Variants in CRACDL observed in about 807,000 individuals in gnomAD.
The protein encoded by CRACDL is CRACD like.
In CRACDL, 26 loss-of-function variants were observed where a neutral mutation model predicts 70.6. That is an observed-to-expected ratio of 0.37 (90% confidence interval 0.27 to 0.51). The LOEUF is 0.51. CRACDL is among the 20% of genes least tolerant of loss of function. The pLI is 0.94. For missense variants in CRACDL, 1,283 were observed against 1,376.9 expected (o/e 0.93, Z 1.08); for synonymous variants, 618 against 615.2 (o/e 1.00, Z -0.07).
intron 1 of CRACDL, among the ~76,000 whole-genome samples, chr2:98,932,248 G>A (rs1709096215): frequency 6.6e-6 from 1 of 152,154 alleles, no homozygotes; most frequent in Non-Finnish European, 1.5e-5. Context: ...TGAACACCAG[G>A]CCGGGCCGGC....
chr2:98,902,346 C>T (rs1050893631), intron 1 of CRACDL, among the ~76,000 whole-genome samples: 36 of 152,106 alleles, frequency 2.4e-4, no homozygotes, highest in African/African-American at 8.0e-4. Flanking sequence ...GGAGAAGGCC[C>T]GTGATGACCC....
chr2:98,826,078 A>G (rs1055351388), intron 6 of CRACDL, among the ~76,000 whole-genome samples: 1 of 152,164 alleles, frequency 6.6e-6, no homozygotes, highest in Admixed American at 6.5e-5. Context: ...GGGACGCGTT[A>G]CAGTGCCCGT....
In CRACDL at chr2:98,931,456, T is replaced by C. The variant is rs1238332201; in HGVS notation, c.-11+4482A>G. 2.0e-5 allele frequency among the ~76,000 whole-genome samples: 3 copies of C among 152,054 alleles called. No individual in the cohort carries two copies. The East Asian group carries it at 5.8e-4, about 29-fold the overall frequency. ...TATGGGGCAGTGTTTCCGAGAGTAGTTTCTTGGAAACTGCACACCCCGCAG... is the reference window on the plus strand; with the variant it reads ...TATGGGGCAGTGTTTCCGAGAGTAGCTTCTTGGAAACTGCACACCCCGCAG... On this transcript the variant is annotated intron_variant, in intron 1 of 9. Transcript: ENST00000397899.
At chr2:98,907,319 C>G (rs186794182) in intron 1 of CRACDL, among the ~76,000 whole-genome samples, 8 of 152,072 alleles carry the variant, frequency 5.3e-5, no homozygotes, top group African/African-American at 1.9e-4. Context: ...CAAAACAAAA[C>G]AAAAACTCTT....
chr2:98,932,715 T>C (rs997280375), intron 1 of CRACDL, among the ~76,000 whole-genome samples: 5 of 152,120 alleles, frequency 3.3e-5, no homozygotes, highest in African/African-American at 1.2e-4. Context: ...TTTCAGGTAA[T>C]AAAAAGGCCT....
At chr2:98,808,319 C>T (rs547127507) in intron 7 of CRACDL, among the ~76,000 whole-genome samples, 11 of 152,316 alleles carry the variant, frequency 7.2e-5, no homozygotes, top group Non-Finnish European at 1.3e-4. Context: ...CAGCCTTTAA[C>T]ACTCTCACAG....
chr2:98,868,994 G>T, intron 1 of CRACDL: 1 of 796,938 alleles, frequency 1.3e-6, no homozygotes, highest in Non-Finnish European at 1.9e-6. Flanking sequence ...GGGGATGGTG[G>T]CCACCCACGC....
At chr2:98,912,328 G>A (rs756925805) in intron 1 of CRACDL, among the ~76,000 whole-genome samples, 4 of 152,238 alleles carry the variant, frequency 2.6e-5, no homozygotes, top group Admixed American at 6.5e-5. Flanking sequence ...GGGTGTGCTG[G>A]GGGTAGGTGA....
chr2:98,919,030 C>T (rs1177973979), intron 1 of CRACDL, among the ~76,000 whole-genome samples: 1 of 152,044 alleles, frequency 6.6e-6, no homozygotes, highest in African/African-American at 2.4e-5. Context: ...AAGAGTTTCC[C>T]CTAGGTTTTC....
intron 7 of CRACDL, among the ~76,000 whole-genome samples, chr2:98,801,673 T>C (rs976745337): frequency 2.0e-5 from 3 of 152,218 alleles, no homozygotes; most frequent in Admixed American, 2.0e-4. Flanking sequence ...ATATCCACTG[T>C]CCCTCTTGGT....
chr2:98,908,678 C>G (rs1392662688), intron 1 of CRACDL, among the ~76,000 whole-genome samples: 1 of 152,230 alleles, frequency 6.6e-6, no homozygotes, highest in African/African-American at 2.4e-5. Flanking sequence ...CCCTGGACAA[C>G]AGACCAAGGC....
intron 1 of CRACDL, among the ~76,000 whole-genome samples, chr2:98,876,404 C>A (rs930966723): frequency 2.9e-4 from 44 of 152,230 alleles, no homozygotes; most frequent in African/African-American, 8.4e-4. Flanking sequence ...GCAGGCCACA[C>A]GGCAGGAGGT....
At chr2:98,929,753 C>T (rs1440544856) in intron 1 of CRACDL, among the ~76,000 whole-genome samples, 1 of 151,930 alleles carries the variant, frequency 6.6e-6, no homozygotes, top group Non-Finnish European at 1.5e-5. Context: ...TGGGAACATT[C>T]AATTTTGAAG....
intron 1 of CRACDL, among the ~76,000 whole-genome samples, chr2:98,921,086 T>C (rs990398282): frequency 6.6e-6 from 1 of 152,182 alleles, no homozygotes; most frequent in South Asian, 2.1e-4. Context: ...TCCCAGAACC[T>C]TTCCAACAAG....
chr2:98,916,374 TG>T (rs1028261082), intron 1 of CRACDL, among the ~76,000 whole-genome samples: 7 of 152,284 alleles, frequency 4.6e-5, no homozygotes, highest in South Asian at 2.1e-4. Context: ...TGAGGAATTT[TG>T]GGGAAGATGG....
At chr2:98,908,415 C>T (rs534952957) in intron 1 of CRACDL, 2 of 152,464 alleles carry the variant, frequency 1.3e-5, no homozygotes, top group South Asian at 4.1e-4. Context: ...TGCCCTGTCC[C>T]TGCAGTGAGT....
At chr2:98,893,448 T>A (rs1220861095) in intron 1 of CRACDL, among the ~76,000 whole-genome samples, 1 of 152,150 alleles carries the variant, frequency 6.6e-6, no homozygotes, top group Non-Finnish European at 1.5e-5. Context: ...CACACCTGGC[T>A]AATTTTTTGT....
chr2:98,898,646 G>A lies in CRACDL; in HGVS notation c.-11+37292C>T, dbSNP rs1420420841. 3.3e-5 allele frequency among the ~76,000 whole-genome samples: 5 copies of A among 152,218 alleles called. No homozygotes were observed. The East Asian group carries it at 5.8e-4, about 18-fold the overall frequency. On this transcript the variant is annotated intron_variant, in intron 1 of 9. Coordinates refer to ENST00000397899, the MANE Select transcript of CRACDL (RefSeq NM_207362.3). The stretch of plus-strand genomic sequence containing the variant: ...GCCTGTGGCTCCCACATTGTCTAGA[G>A]CTCAGCAGGGCCCACGATGCCCTGA...
intron 1 of CRACDL, among the ~76,000 whole-genome samples, chr2:98,849,370 T>C (rs1218311131): frequency 6.6e-6 from 1 of 152,168 alleles, no homozygotes; most frequent in Non-Finnish European, 1.5e-5. Context: ...AAAAGTGTCC[T>C]TGTTGGGAAG....
Sources: allele counts gnomAD v4.1 joint callset (sites outside exome capture counted in the v4.1 genomes callset), GRCh38; gene constraint gnomAD v4.1.1; transcripts MANE v1.5; gene names NCBI Gene and HGNC (gene_info 2026-07-23, HGNC 2026-07-21).